ZNF135: variants seen among roughly 807,000 people sequenced by gnomAD.
The protein encoded by ZNF135 is zinc finger protein 135.
Under a neutral mutation model 12.3 loss-of-function variants are expected in ZNF135, and 11 were observed. The ratio of observed to expected loss-of-function variants is 0.89; its 90% CI spans 0.56 to 1.48. ZNF135 has a LOEUF of 1.48. Among genes scored for constraint, ZNF135 ranks in the 40% most tolerant of loss-of-function variants. ZNF135 has a pLI of 0.00. For missense variants in ZNF135, 722 were observed against 815.7 expected (o/e 0.89, Z 1.40); for synonymous variants, 316 against 312.0 (o/e 1.01, Z -0.14).
Position 58,067,969 on chromosome 19 carries a change from A to G in ZNF135, c.1485A>G (p.Glu495=), listed in dbSNP as rs758198557. 7 of 1,613,266 alleles carry G rather than the reference A, an allele frequency of 4.3e-6. No homozygotes were observed. The Admixed American group carries it at 1.2e-4, about 27-fold the overall frequency. The change falls in exon 5 of 5, where the codon GAA becomes GAG. Residue 495 remains glutamate (E), a synonymous_variant. Coordinates refer to ENST00000313434, the MANE Select transcript of ZNF135 (RefSeq NM_001289401.2). ...QRIHTGEKPY[E]CNDCGKAFSH... ...TCCACACAGGGGAGAAGCCCTATGAATGCAATGACTGCGGCAAGGCATTCA... is the reference window on the plus strand; with the variant it reads ...TCCACACAGGGGAGAAGCCCTATGAGTGCAATGACTGCGGCAAGGCATTCA...
Position 58,060,046 on chromosome 19 carries a change from C to G in ZNF135, c.33+11C>G. 6.2e-7 allele frequency: 1 copy of G among 1,613,236 alleles called. No individual in the cohort carries two copies. Among genetic ancestry groups the G allele is most frequent in the Non-Finnish European group, 8.5e-7 (1 of 1,179,844 alleles). ...GTCTCCACAGACCCGGTGAGAATCT[C>G]GGCCTCCTTGCGCGTGTCCTCCACC... On this transcript the variant is annotated intron_variant, in intron 2 of 4. Transcript: ENST00000313434. The surrounding 1 kb of genome is among the most constrained non-coding windows in gnomAD (Gnocchi z 4.9).
At chr19:58,066,427 C>T (rs1338867524) in intron 4 of ZNF135, among the ~76,000 whole-genome samples, 1 of 128,338 alleles carries the variant, frequency 7.8e-6, no homozygotes, top group East Asian at 2.1e-4. Context: ...ATCCGCTCTG[C>T]ATCCTCCTCT....
chr19:58,064,896 A>C (rs1272781875), intron 4 of ZNF135, among the ~76,000 whole-genome samples: 2 of 152,176 alleles, frequency 1.3e-5, no homozygotes, highest in South Asian at 2.1e-4. Context: ...TTTCAAAAAA[A>C]ACAAAGTGTT....
Position 58,068,257 on chromosome 19 carries a change from C to G in ZNF135, c.1773C>G (p.Ser591=). The G allele has an allele frequency of 1.2e-6, 2 of 1,614,108 alleles. No homozygotes were observed. Among genetic ancestry groups the G allele is most frequent in the Non-Finnish European group, 1.7e-6 (2 of 1,180,026 alleles). The change falls in exon 5 of 5, where the codon TCC becomes TCG. Residue 591 remains serine (S), a synonymous_variant. Transcript: ENST00000313434. ...GTGGGAAATCCTTCAGCCACAGCTC[C>G]TCGCTCAGCCAGCACGAAAGGACGC... ...NECGKSFSHS[S]SLSQHERTHT...
rs2074023818 is a variant in ZNF135, at chr19:58,063,851, G to A, written c.256+310G>A. 1 of 369,958 alleles carries A rather than the reference G, an allele frequency of 2.7e-6. No homozygotes were observed. The highest frequency in any genetic ancestry group is 3.7e-6 in the Non-Finnish European group (1 of 267,444). 22.9% of individuals were successfully genotyped at this position (369,958 alleles called of 1,614,324 possible). On this transcript the variant is annotated intron_variant, in intron 4 of 4. Coordinates refer to ENST00000313434, the MANE Select transcript of ZNF135 (RefSeq NM_001289401.2). The surrounding 1 kb of genome is among the most constrained non-coding windows in gnomAD (Gnocchi z 4.4). ...ATGAGCAATGAGGTAGACTAGGAGG[G>A]GGATGAGTAGACTTTAGCAGAGAGA...
At position 58,065,841 on chromosome 19, in the gene ZNF135, T is replaced by C. The variant is rs2074056740; in HGVS notation, c.257-900T>C. ...TAACTTTTTTTTTTTTAATTGAACT[T>C]TTCACTGAAACATAACAATATGGGG... is the stretch of plus-strand genomic sequence containing the variant. On this transcript the variant is annotated intron_variant, in intron 4 of 4. Transcript: ENST00000313434. The surrounding 1 kb of genome is among the most constrained non-coding windows in gnomAD (Gnocchi z 4.0). Among the ~76,000 whole-genome samples the C allele has an allele frequency of 6.6e-6, 1 of 152,070 alleles. No individual in the cohort carries two copies. Among genetic ancestry groups the C allele is most frequent in the African/African-American group, 2.4e-5 (1 of 41,388 alleles).
At chr19:58,061,767 A>C in intron 3 of ZNF135, 61 bp downstream of exon 3, 1 of 1,541,570 alleles carries the variant, frequency 6.5e-7, no homozygotes, top group South Asian at 1.2e-5. Context: ...TGATTCTACC[A>C]GGTTAAATAT....
At position 58,068,362 on chromosome 19, in the gene ZNF135, G is replaced by A. The variant is rs778984554; in HGVS notation, c.1878G>A (p.Arg626=). The A allele has an allele frequency of 6.2e-7, 1 of 1,613,924 alleles. No individual in the cohort carries two copies. Among genetic ancestry groups the A allele is most frequent in the Non-Finnish European group, 8.5e-7 (1 of 1,179,960 alleles). ...GCACCCACCTCACTCAGCACCGGAG[G>A]ATCCACACAGGAGAGAAGCCATATG... ...RQSTHLTQHR[R]IHTGEKPYAC... is the part of the protein sequence containing the mutation. The change falls in exon 5 of 5, where the codon AGG becomes AGA. Residue 626 remains arginine (R), a synonymous_variant. Coordinates refer to ENST00000313434, the MANE Select transcript of ZNF135 (RefSeq NM_001289401.2).
Position 58,068,819 on chromosome 19 carries a change from C to A in ZNF135, c.*358C>A, listed in dbSNP as rs2074123327. 1 of 201,988 alleles carries A rather than the reference C, an allele frequency of 5.0e-6. No homozygotes were observed. Among genetic ancestry groups the A allele is most frequent in the Non-Finnish European group, 1.0e-5 (1 of 98,254 alleles). 12.5% of individuals were successfully genotyped at this position (201,988 alleles called of 1,614,324 possible). A position where few individuals can be genotyped will look rare whatever the true frequency, so the allele number is the denominator to read the frequency against. ...GTCCAAGGATTCACCGTATTCCAAA[C>A]CAGAGATGTTCAAATTGGTGAGAAA... On this transcript the variant is annotated 3_prime_UTR_variant, in exon 5 of 5. Coordinates refer to ENST00000313434, the MANE Select transcript of ZNF135 (RefSeq NM_001289401.2).
At position 58,060,774 on chromosome 19, in the gene ZNF135, G is replaced by A. The variant is rs923158381; in HGVS notation, c.33+739G>A. On this transcript the variant is annotated intron_variant, in intron 2 of 4. Transcript: ENST00000313434. This position sits in a 1 kb window ranked among gnomAD's most constrained non-coding sequence, Gnocchi z 4.9. Reference sequence around the variant, plus strand: ...GTTGGAGGCTGCAGTGAGCCATGATGTGCCACTGCACTCCAGCCTGAATGA... The same window carrying A: ...GTTGGAGGCTGCAGTGAGCCATGATATGCCACTGCACTCCAGCCTGAATGA... 6.6e-6 allele frequency among the ~76,000 whole-genome samples: 1 copy of A among 152,038 alleles called. No individual in the cohort carries two copies. The highest frequency in any genetic ancestry group is 2.4e-5 in the African/African-American group (1 of 41,394).
In ZNF135 at chr19:58,068,245, C is replaced by T. The variant is rs573438765; in HGVS notation, c.1761C>T (p.Phe587=). The T allele has an allele frequency of 5.6e-6, 9 of 1,614,166 alleles. No homozygotes were observed. The African/African-American group carries it at 9.3e-5, about 17-fold the overall frequency. ...PYGCNECGKS[F]SHSSSLSQHE... ...GGTGCAATGAGTGTGGGAAATCCTT[C>T]AGCCACAGCTCCTCGCTCAGCCAGC... Residue 587 remains phenylalanine (F), a synonymous_variant, in exon 5 of 5, where the codon TTC becomes TTT. Coordinates refer to ENST00000313434, the MANE Select transcript of ZNF135 (RefSeq NM_001289401.2).
chr19:58,066,633 T>C, intron 4 of ZNF135, 108 bp from the exon 5 acceptor site: 1 of 1,464,418 alleles, frequency 6.8e-7, no homozygotes. Context: ...ACTTGAACCT[T>C]GAACGTTTCA....
Position 58,059,400 on chromosome 19 carries a change from T to A in ZNF135, c.-35+90T>A. On this transcript the variant is annotated intron_variant, in intron 1 of 4. Coordinates refer to ENST00000313434, the MANE Select transcript of ZNF135 (RefSeq NM_001289401.2). The surrounding 1 kb of genome is among the most constrained non-coding windows in gnomAD (Gnocchi z 6.5). ...GGGTCCGGGGATCTTCCTGAGGCCC[T>A]GGCGGGGCGAGTTTCCAGCAGCGCG... 1 of 902,912 alleles carries A rather than the reference T, an allele frequency of 1.1e-6. No individual in the cohort carries two copies. Among genetic ancestry groups the A allele is most frequent in the Non-Finnish European group, 1.5e-6 (1 of 651,810 alleles). The allele number at this position is 902,912 out of a possible 1,614,324, so 55.9% of individuals were successfully genotyped here.
intron 4 of ZNF135, 33 bp from the exon 5 acceptor site, chr19:58,066,708 T>A (rs927112577): frequency 1.2e-6 from 2 of 1,609,788 alleles, no homozygotes; most frequent in Non-Finnish European, 1.7e-6. Flanking sequence ...GGAACAGAGA[T>A]TAAGGGACAT....
intron 4 of ZNF135, among the ~76,000 whole-genome samples, chr19:58,066,230 C>T (rs565603184): frequency 6.6e-6 from 1 of 152,314 alleles, no homozygotes; most frequent in African/African-American, 2.4e-5. Flanking sequence ...TCCTTTACAT[C>T]TAGAGTGAGG....
intron 2 of ZNF135, among the ~76,000 whole-genome samples, chr19:58,061,114 C>T (rs1023995303): frequency 7.3e-6 from 1 of 136,158 alleles, no homozygotes; most frequent in Non-Finnish European, 1.6e-5. Context: ...GGCGACAAAG[C>T]GAGACTCCGT....
In ZNF135 at chr19:58,068,291, G is replaced by T; in HGVS notation, c.1807G>T (p.Glu603Ter). The T allele has an allele frequency of 6.2e-7, 1 of 1,613,994 alleles. No individual in the cohort carries two copies. The highest frequency in any genetic ancestry group is 8.5e-7 in the Non-Finnish European group (1 of 1,179,984). The change falls in exon 5 of 5, where the codon GAA becomes TAA. Residue 603 changes from glutamate to a stop codon, truncating the protein, a stop_gained. Coordinates refer to ENST00000313434, the MANE Select transcript of ZNF135 (RefSeq NM_001289401.2). LOFTEE classifies it low-confidence loss of function (END_TRUNC). ...CCAGCACGAAAGGACGCACACTGGG[G>T]AAAAGCCCTATGAGTGTCACGATTG... The part of the protein sequence containing the change: ...LSQHERTHTG[E>*]KPYECHDCGK...
In ZNF135 at chr19:58,060,232, C is replaced by T. The variant is rs117831716; in HGVS notation, c.33+197C>T. On this transcript the variant is annotated intron_variant, in intron 2 of 4. Transcript: ENST00000313434. This position sits in a 1 kb window ranked among gnomAD's most constrained non-coding sequence, Gnocchi z 4.9. ...CTCGCACAACTGGCCTCTACTCGCG[C>T]ACCTGGCCTCTACTGGTGCCCGGCC... 0.024 allele frequency: 34,927 copies of T among 1,431,188 alleles called. 489 individuals are homozygous for T. Among genetic ancestry groups the T allele is most frequent in the Non-Finnish European group, 0.028 (30,623 of 1,083,954 alleles). 88.7% of individuals were successfully genotyped at this position (1,431,188 alleles called of 1,614,324 possible). A position where few individuals can be genotyped will look rare whatever the true frequency, so the allele number is the denominator to read the frequency against.
Position 58,059,656 on chromosome 19 carries a change from T to A in ZNF135, c.-34-313T>A. ...ACCTTTGTTGATGGAAGAGAGAAAC[T>A]GAGGCATAGTGCCCAGGGCCAGGGG... On this transcript the variant is annotated intron_variant, in intron 1 of 4. Coordinates refer to ENST00000313434, the MANE Select transcript of ZNF135 (RefSeq NM_001289401.2). This position sits in a 1 kb window ranked among gnomAD's most constrained non-coding sequence, Gnocchi z 6.5. 2.0e-6 allele frequency: 1 copy of A among 510,430 alleles called. No homozygotes were observed. The highest frequency in any genetic ancestry group is 3.4e-6 in the Non-Finnish European group (1 of 291,140). 31.6% of individuals were successfully genotyped at this position (510,430 alleles called of 1,614,324 possible). A position where few individuals can be genotyped will look rare whatever the true frequency, so the allele number is the denominator to read the frequency against.
Sources: gnomAD v4.1 joint callset for allele counts (sites outside exome capture counted in the v4.1 genomes callset) on GRCh38, gnomAD v4.1.1 for gene constraint, Gnocchi (gnomAD v3.1) non-coding constraint, MANE v1.5 for transcripts, NCBI Gene and HGNC (gene_info 2026-07-23, HGNC 2026-07-21) for gene names.